The following EIF3H variants were observed in gnomAD, a reference collection of about 807,000 sequenced individuals.
EIF3H encodes the protein eIF-3-gamma.
In EIF3H, 26 loss-of-function variants were observed where a neutral mutation model predicts 44.2. The observed-to-expected ratio is 0.59, with a 90% CI of 0.43 to 0.82. The LOEUF (loss-of-function observed/expected upper bound fraction) is 0.82, where lower values mean the gene tolerates loss of function less well. Among genes scored for constraint, EIF3H ranks in the 40% least tolerant of loss-of-function variants. EIF3H has a pLI of 0.00. For missense variants in EIF3H, 359 were observed against 432.8 expected (o/e 0.83, Z 1.51); for synonymous variants, 166 against 151.9 (o/e 1.09, Z -0.68).
In EIF3H at chr8:116,681,451, G is replaced by C. The variant is rs575788582; in HGVS notation, c.290-22471C>G. Among the ~76,000 whole-genome samples the C allele has an allele frequency of 5.3e-5, 8 of 152,152 alleles. No individual in the cohort carries two copies. The East Asian group carries it at 9.7e-4, about 18-fold the overall frequency. ...GGAGGTCGAGGCGGGCGGATCACCT[G>C]AGGTAGGGAGTTCAAGACCAGCCTG... On this transcript the variant is annotated intron_variant, in intron 2 of 7. Coordinates refer to ENST00000521861, the MANE Select transcript of EIF3H (RefSeq NM_003756.3).
At chr8:116,693,790 G>A (rs987868932) in intron 2 of EIF3H, among the ~76,000 whole-genome samples, 11 of 151,836 alleles carry the variant, frequency 7.2e-5, no homozygotes, top group South Asian at 2.1e-4. Flanking sequence ...GGATCCTCCC[G>A]CCTCAGCCTC....
intron 5 of EIF3H, among the ~76,000 whole-genome samples, chr8:116,650,245 G>A (rs1813366241): frequency 6.6e-6 from 1 of 152,174 alleles, no homozygotes; most frequent in African/African-American, 2.4e-5. Flanking sequence ...GTGTTGGCGA[G>A]GATGTGGAAA....
intron 2 of EIF3H, among the ~76,000 whole-genome samples, chr8:116,719,201 A>T (rs1337631516): frequency 6.6e-6 from 1 of 152,204 alleles, no homozygotes; most frequent in African/African-American, 2.4e-5. Flanking sequence ...TCTTCTCTCA[A>T]ATCAGAGTTG....
intron 1 of EIF3H, among the ~76,000 whole-genome samples, chr8:116,754,991 T>C (rs909367172): frequency 6.6e-6 from 1 of 152,226 alleles, no homozygotes; most frequent in African/African-American, 2.4e-5. Flanking sequence ...TATAAATGCA[T>C]TTTGCTTCGA....
intron 2 of EIF3H, among the ~76,000 whole-genome samples, chr8:116,661,256 TAAAGGG>T (rs1563635308): frequency 6.6e-6 from 1 of 152,224 alleles, no homozygotes; most frequent in Non-Finnish European, 1.5e-5. Flanking sequence ...CTATTTATTT[TAAAGGG>T]AAAGGGAAGA....
At position 116,644,335 on chromosome 8, in the gene EIF3H, A is replaced by G. The variant is rs1383135514; in HGVS notation, c.*671T>C. 3 of 152,468 alleles carry G rather than the reference A, an allele frequency of 2.0e-5. No individual in the cohort carries two copies. The East Asian group carries it at 5.8e-4, about 29-fold the overall frequency. The allele number at this position is 152,468 out of a possible 1,614,324, so 9.4% of individuals were successfully genotyped here. On this transcript the variant is annotated 3_prime_UTR_variant, in exon 8 of 8. Transcript: ENST00000521861. ...AACTCAGAAGGTGGAGGTTGCAGCG[A>G]GCTGAGATTGTGCCACTACACTCCA...
chr8:116,752,857 AG>A (rs931601298), intron 1 of EIF3H, among the ~76,000 whole-genome samples: 1 of 150,356 alleles, frequency 6.7e-6, no homozygotes, highest in African/African-American at 2.5e-5. Flanking sequence ...AAAAGAAAAA[AG>A]AGAGAGAGAA....
intron 2 of EIF3H, among the ~76,000 whole-genome samples, chr8:116,691,332 G>C (rs1475819782): frequency 1.3e-5 from 2 of 152,126 alleles, no homozygotes; most frequent in Non-Finnish European, 2.9e-5. Context: ...CACTCCCCAA[G>C]CTCCTACAAA....
Position 116,670,421 on chromosome 8 carries a change from C to G in EIF3H, c.290-11441G>C, listed in dbSNP as rs542953192. Among the ~76,000 whole-genome samples, 12 of 152,254 alleles carry G rather than the reference C, an allele frequency of 7.9e-5. No individual in the cohort carries two copies. The East Asian group carries it at 2.3e-3, about 29-fold the overall frequency. ...AAGTACAAATGACAGACCAAGGGTT[C>G]AGAGAAATCTCCAGCTTTCAGCAGG... On this transcript the variant is annotated intron_variant, in intron 2 of 7. Transcript: ENST00000521861.
chr8:116,655,311 G>A (rs961243776), intron 5 of EIF3H, among the ~76,000 whole-genome samples: 1 of 150,234 alleles, frequency 6.7e-6, no homozygotes, highest in Non-Finnish European at 1.5e-5. Context: ...CACGGTGGAG[G>A]AAATCGTTAT....
intron 1 of EIF3H, among the ~76,000 whole-genome samples, chr8:116,743,008 C>T (rs768303188): frequency 5.9e-5 from 9 of 152,126 alleles, no homozygotes; most frequent in Non-Finnish European, 1.2e-4. Flanking sequence ...AGAATGAAAC[C>T]AAAGCTGATG....
At chr8:116,717,072 T>TAGTCA (rs1334183292) in intron 2 of EIF3H, among the ~76,000 whole-genome samples, 3 of 152,116 alleles carry the variant, frequency 2.0e-5, no homozygotes, top group Non-Finnish European at 4.4e-5. Flanking sequence ...AAAATCAACA[T>TAGTCA]ACAGGACTAT....
At chr8:116,748,663 C>T (rs200519002) in intron 1 of EIF3H, among the ~76,000 whole-genome samples, 1 of 152,170 alleles carries the variant, frequency 6.6e-6, no homozygotes, top group East Asian at 1.9e-4. Flanking sequence ...GACATGGGTG[C>T]CACTTTCAGG....
At chr8:116,686,112 A>G (rs1037339828) in intron 2 of EIF3H, among the ~76,000 whole-genome samples, 19 of 152,198 alleles carry the variant, frequency 1.2e-4, no homozygotes, top group African/African-American at 3.6e-4. Flanking sequence ...TAATCCTATT[A>G]TTAAACATAG....
In EIF3H at chr8:116,643,722, G is replaced by C. The variant is rs931557862; in HGVS notation, c.*1284C>G. On this transcript the variant is annotated 3_prime_UTR_variant, in exon 8 of 8. Coordinates refer to ENST00000521861, the MANE Select transcript of EIF3H (RefSeq NM_003756.3). ...CTGGCTGCCTGATCCCAGAGCCCCA[G>C]TAGTGCCTTCAAAACAATGTTGTCC... 3 of 152,182 alleles carry C rather than the reference G, an allele frequency of 2.0e-5. No individual in the cohort carries two copies. Among genetic ancestry groups the C allele is most frequent in the Non-Finnish European group, 2.9e-5 (2 of 68,032 alleles). The allele number at this position is 152,182 out of a possible 1,614,324, so 9.4% of individuals were successfully genotyped here.
intron 4 of EIF3H, among the ~76,000 whole-genome samples, chr8:116,656,271 A>C (rs1813488451): frequency 6.6e-6 from 1 of 152,168 alleles, no homozygotes; most frequent in African/African-American, 2.4e-5. Context: ...CTTTGTTATC[A>C]GGTATCTTTA....
chr8:116,714,146 ATAT>A (rs1814621324), intron 2 of EIF3H, among the ~76,000 whole-genome samples: 1 of 152,138 alleles, frequency 6.6e-6, no homozygotes, highest in African/African-American at 2.4e-5. Flanking sequence ...AAATATATAC[ATAT>A]TAGTTTGTTC....
intron 2 of EIF3H, among the ~76,000 whole-genome samples, chr8:116,673,843 G>A (rs183686642): frequency 1.3e-5 from 2 of 151,912 alleles, no homozygotes; most frequent in East Asian, 1.9e-4. Context: ...AGGCCGAAGC[G>A]GGCGGATCAG....
intron 2 of EIF3H, among the ~76,000 whole-genome samples, chr8:116,659,808 C>T (rs1420505770): frequency 6.6e-6 from 1 of 151,990 alleles, no homozygotes; most frequent in East Asian, 1.9e-4. Context: ...AGCAATATAG[C>T]ACAATAATGC....
Sources: allele counts gnomAD v4.1 joint callset (sites outside exome capture counted in the v4.1 genomes callset), GRCh38; gene constraint gnomAD v4.1.1; transcripts MANE v1.5; gene names NCBI Gene and HGNC (gene_info 2026-07-23, HGNC 2026-07-21).